SLC4A4: variants seen among roughly 807,000 people sequenced by gnomAD.
SLC4A4 encodes electrogenic sodium bicarbonate cotransporter 1.
A neutral mutation model predicts 111.5 loss-of-function variants in SLC4A4; 27 were observed. The ratio of observed to expected loss-of-function variants is 0.24; its 90% CI spans 0.18 to 0.33. The LOEUF (loss-of-function observed/expected upper bound fraction) is 0.33. Among genes scored for constraint, SLC4A4 ranks in the 10% least tolerant of loss-of-function variants. SLC4A4 has a pLI of 1.00. For synonymous variants in SLC4A4, 443 were observed against 463.4 expected, an observed-to-expected ratio of 0.96 and a Z score of 0.57; for missense variants, 909 against 1,315.5, an observed-to-expected ratio of 0.69 and a Z score of 4.78.
At chr4:71,448,877 T>C (rs1725504763) in intron 9 of SLC4A4, among the ~76,000 whole-genome samples, 1 of 152,246 alleles carries the variant, frequency 6.6e-6, no homozygotes, top group East Asian at 1.9e-4. Context: ...TATTTTATTC[T>C]GTGACTGAAA....
rs530285894 is a variant in SLC4A4 at position 71,079,005 on chromosome 4, G to T, written c.-64-13725G>T. On this transcript the variant is annotated intron_variant, in intron 1 of 26. Coordinates refer to the SLC4A4 transcript ENST00000649996. The stretch of plus-strand genomic sequence containing the variant: ...GGTTAATTTTTGTATTTTTAGTAGA[G>T]ATGGGGTTTCACTATGTTGGTCAGA... Among the ~76,000 whole-genome samples, 4 of 152,232 alleles carry T rather than the reference G, an allele frequency of 2.6e-5. 1 individual carries two copies. Among genetic ancestry groups the T allele is most frequent in the East Asian group, 1.9e-4 (1 of 5,168 alleles).
chr4:71,247,152 A>G (rs964210995), intron 2 of SLC4A4, among the ~76,000 whole-genome samples: 2 of 150,782 alleles, frequency 1.3e-5, no homozygotes, highest in Non-Finnish European at 3.0e-5. Context: ...AAGGAAGGGA[A>G]TAATGTGAAC....
intron 16 of SLC4A4, 34 bp downstream of exon 16, chr4:71,497,726 A>G (rs746983813): frequency 6.6e-7 from 1 of 1,525,998 alleles, no homozygotes; most frequent in East Asian, 2.3e-5. Context: ...TTTTCATTGG[A>G]TTTACACTGT....
intron 6 of SLC4A4, among the ~76,000 whole-genome samples, chr4:71,379,203 T>A (rs1005979935): frequency 6.6e-6 from 1 of 152,198 alleles, no homozygotes; most frequent in Non-Finnish European, 1.5e-5. Context: ...CTATCATTTT[T>A]AAACTCAGGT....
At chr4:71,453,217 G>C (rs1286605697) in intron 11 of SLC4A4, among the ~76,000 whole-genome samples, 1 of 152,110 alleles carries the variant, frequency 6.6e-6, no homozygotes, top group East Asian at 1.9e-4. Context: ...TCTAGGCAAT[G>C]AAACATTTTA....
chr4:71,430,177 C>T (rs1474370814), intron 7 of SLC4A4, among the ~76,000 whole-genome samples: 1 of 152,046 alleles, frequency 6.6e-6, no homozygotes, highest in Non-Finnish European at 1.5e-5. Flanking sequence ...TCCCATTGGA[C>T]AGTGTACTTT....
Position 71,341,539 on chromosome 4 carries a change from G to T in SLC4A4, c.389+2034G>T, listed in dbSNP as rs73826249. The stretch of plus-strand genomic sequence containing the variant: ...TAGCCTTTCCCTTTATGGATGAAGA[G>T]TCTTTTAAGAGTTAGAGGAATAATT... On this transcript the variant is annotated intron_variant, in intron 4 of 25. Coordinates refer to ENST00000264485, the MANE Select transcript of SLC4A4 (RefSeq NM_001098484.3). Among the ~76,000 whole-genome samples, 1,416 of 152,208 alleles carry T rather than the reference G, an allele frequency of 9.3e-3. 24 individuals carry two copies. Among genetic ancestry groups the T allele is most frequent in the African/African-American group, 0.03 (1,265 of 41,550 alleles).
chr4:71,319,392 G>A (rs1414878807), intron 3 of SLC4A4, among the ~76,000 whole-genome samples: 4 of 151,902 alleles, frequency 2.6e-5, no homozygotes, highest in Admixed American at 1.3e-4. Flanking sequence ...TCTTGGCCAC[G>A]ATTGATTGGA....
intron 1 of SLC4A4, among the ~76,000 whole-genome samples, chr4:71,089,390 C>T (rs536195047): frequency 6.6e-6 from 1 of 152,180 alleles, no homozygotes; most frequent in African/African-American, 2.4e-5. Context: ...GCCTTCTTCT[C>T]TCAACTCGTC....
intron 2 of SLC4A4, among the ~76,000 whole-genome samples, chr4:71,158,903 C>T (rs1578535980): frequency 6.6e-6 from 1 of 152,064 alleles, no homozygotes; most frequent in East Asian, 1.9e-4. Context: ...GCTGAAGTGG[C>T]GTATCCCTTT....
chr4:71,437,672 C>T, intron 7 of SLC4A4: 1 of 476,664 alleles, frequency 2.1e-6, no homozygotes, highest in South Asian at 1.6e-5. Context: ...ATGCTGAGAG[C>T]ACAGGCCATG....
At chr4:71,143,363 G>A (rs370692024) in intron 2 of SLC4A4, among the ~76,000 whole-genome samples, 1 of 152,114 alleles carries the variant, frequency 6.6e-6, no homozygotes, top group Non-Finnish European at 1.5e-5. Flanking sequence ...GGACATTTGG[G>A]TTGGTTCCAA....
intron 4 of SLC4A4, among the ~76,000 whole-genome samples, chr4:71,342,238 A>T (rs1460372725): frequency 6.6e-6 from 1 of 152,234 alleles, no homozygotes; most frequent in Non-Finnish European, 1.5e-5. Flanking sequence ...ATAGAAAAAA[A>T]TCCTCTGTAA....
At chr4:71,231,140 C>T (rs1431786608) in intron 1 of SLC4A4, among the ~76,000 whole-genome samples, 1 of 152,206 alleles carries the variant, frequency 6.6e-6, no homozygotes, top group Non-Finnish European at 1.5e-5. Flanking sequence ...AATCTAAAGG[C>T]TAGCACACTC....
intron 1 of SLC4A4, among the ~76,000 whole-genome samples, chr4:71,232,092 G>A (rs887726339): frequency 6.6e-6 from 1 of 152,176 alleles, no homozygotes; most frequent in South Asian, 2.1e-4. Flanking sequence ...GGGTGTACAG[G>A]TTTTATATTT....
At chr4:71,133,208 G>T (rs1412106219) in intron 2 of SLC4A4, among the ~76,000 whole-genome samples, 1 of 152,058 alleles carries the variant, frequency 6.6e-6, no homozygotes, top group Non-Finnish European at 1.5e-5. Flanking sequence ...GTTAACATGG[G>T]AACCATTAAG....
At chr4:71,415,093 CA>C (rs1469299246) in intron 7 of SLC4A4, among the ~76,000 whole-genome samples, 1 of 152,202 alleles carries the variant, frequency 6.6e-6, no homozygotes, top group African/African-American at 2.4e-5. Context: ...GCAGCCTTAG[CA>C]TGAGATGCTG....
At chr4:71,418,596 G>A (rs1288102810) in intron 7 of SLC4A4, among the ~76,000 whole-genome samples, 3 of 152,138 alleles carry the variant, frequency 2.0e-5, no homozygotes, top group Non-Finnish European at 2.9e-5. Context: ...TTTAGTCATT[G>A]GAAATATTCT....
rs766618898 is a variant in SLC4A4, at chr4:71,567,782, C to G, written c.*37-6C>G. On this transcript the variant is annotated splice_polypyrimidine_tract_variant and splice_region_variant and intron_variant, in intron 25 of 25. Coordinates refer to ENST00000264485, the MANE Select transcript of SLC4A4 (RefSeq NM_001098484.3). ...CTTACTACTTTTTTTTTTCCTTTTT[C>G]TCTAGTCCTCCTAGAACTCCAGTAA... 7 of 1,393,116 alleles carry G rather than the reference C, an allele frequency of 5.0e-6. No homozygotes were observed. The highest frequency in any genetic ancestry group is 6.8e-6 in the Non-Finnish European group (7 of 1,027,124). 86.3% of individuals were successfully genotyped at this position (1,393,116 alleles called of 1,614,324 possible).
Sources: gnomAD v4.1 joint callset for allele counts (sites outside exome capture counted in the v4.1 genomes callset) on GRCh38, gnomAD v4.1.1 for gene constraint, MANE v1.5 for transcripts, NCBI Gene and HGNC (gene_info 2026-07-23, HGNC 2026-07-21) for gene names.